TMCO5A: variants seen among roughly 807,000 people sequenced by gnomAD.
The protein encoded by TMCO5A is transmembrane and coiled-coil domain-containing protein 5A.
Under a neutral mutation model 42.3 loss-of-function variants are expected in TMCO5A, and 34 were observed. That is an observed-to-expected ratio of 0.80 (90% CI 0.61 to 1.07). TMCO5A has a LOEUF of 1.07. Ranked by LOEUF, TMCO5A falls within the 50% of genes least tolerant of loss-of-function variation. The pLI, the probability that TMCO5A is intolerant of heterozygous loss-of-function variation, is 0.00. For missense variants in TMCO5A, 357 were observed against 327.9 expected (o/e 1.09, Z -0.69); for synonymous variants, 131 against 115.6 (o/e 1.13, Z -0.86).
At chr15:38,030,454 T>A in the TMCO5A span, among the ~76,000 whole-genome samples, 8 of 152,316 alleles carry the variant, frequency 5.3e-5, no homozygotes, top group Middle Eastern at 3.4e-3. Context: ...AGTTCACAGC[T>A]GTCTTATTAT....
At chr15:37,973,518 T>A in the TMCO5A span, among the ~76,000 whole-genome samples, 6 of 152,288 alleles carry the variant, frequency 3.9e-5, no homozygotes, top group Middle Eastern at 3.4e-3. Context: ...TTCCCAGTGA[T>A]TTTATTCCTT....
chr15:37,977,950 T>C, the TMCO5A span, among the ~76,000 whole-genome samples: 3 of 152,144 alleles, frequency 2.0e-5, no homozygotes, highest in Non-Finnish European at 4.4e-5. Flanking sequence ...CTCTTCTCCT[T>C]ATGGAGGCTG....
downstream of TMCO5A, among the ~76,000 whole-genome samples, chr15:37,954,693 G>C (rs1018955485): frequency 2.0e-5 from 3 of 151,990 alleles, no homozygotes; most frequent in Admixed American, 6.6e-5. Context: ...ACTACCTTAA[G>C]TAGGAAAACT....
the TMCO5A span, among the ~76,000 whole-genome samples, chr15:37,974,731 C>T: frequency 6.6e-6 from 1 of 151,958 alleles, no homozygotes; most frequent in Non-Finnish European, 1.5e-5. Context: ...TGGTTTTTCA[C>T]ATCTCATTTT....
At chr15:38,001,629 T>C in the TMCO5A span, among the ~76,000 whole-genome samples, 1 of 151,976 alleles carries the variant, frequency 6.6e-6, no homozygotes, top group African/African-American at 2.4e-5. Context: ...TCTCTGGTGG[T>C]ATGTTTCAAT....
the TMCO5A span, among the ~76,000 whole-genome samples, chr15:38,009,021 A>G: frequency 1.3e-5 from 2 of 152,230 alleles, no homozygotes; most frequent in African/African-American, 4.8e-5. Context: ...ATAAGCCTAA[A>G]TCCTAAATCT....
the TMCO5A span, among the ~76,000 whole-genome samples, chr15:37,974,288 A>T: frequency 6.6e-6 from 1 of 152,160 alleles, no homozygotes; most frequent in African/African-American, 2.4e-5. Context: ...TGAGTTAGGG[A>T]GGAGTCCCTT....
chr15:38,012,119 G>A, the TMCO5A span, among the ~76,000 whole-genome samples: 55 of 105,258 alleles, frequency 5.2e-4, no homozygotes, highest in Admixed American at 4.4e-3. Flanking sequence ...GCGAGACTCC[G>A]TCTCAAAAAA....
chr15:38,029,340 TCACA>T, the TMCO5A span, among the ~76,000 whole-genome samples: 1 of 79,446 alleles, frequency 1.3e-5, no homozygotes, highest in East Asian at 8.2e-4. Flanking sequence ...GTGCACATGT[TCACA>T]CAAACATGTG....
At chr15:37,994,151 G>A in the TMCO5A span, among the ~76,000 whole-genome samples, 1 of 152,176 alleles carries the variant, frequency 6.6e-6, no homozygotes, top group African/African-American at 2.4e-5. Context: ...TGTCCCTGTG[G>A]CCCAGCTGGA....
At chr15:38,016,642 G>A in the TMCO5A span, among the ~76,000 whole-genome samples, 1 of 152,244 alleles carries the variant, frequency 6.6e-6, no homozygotes, top group Admixed American at 6.5e-5. Context: ...TTCAGCCTGG[G>A]CAAAGTCTAG....
downstream of TMCO5A, among the ~76,000 whole-genome samples, chr15:37,952,893 C>A (rs895346734): frequency 6.6e-6 from 1 of 152,176 alleles, no homozygotes; most frequent in South Asian, 2.1e-4. Context: ...AGCCTTGGGG[C>A]CTTCTTTAAG....
the TMCO5A span, among the ~76,000 whole-genome samples, chr15:38,029,238 G>T: frequency 6.6e-6 from 1 of 151,990 alleles, no homozygotes; most frequent in Non-Finnish European, 1.5e-5. Context: ...CCCCAGTGCC[G>T]GTTGGGTGTC....
At chr15:37,980,061 A>C in the TMCO5A span, among the ~76,000 whole-genome samples, 2 of 152,288 alleles carry the variant, frequency 1.3e-5, no homozygotes. Context: ...TGGGAGCTGC[A>C]AAGCCAGAAA....
the TMCO5A span, among the ~76,000 whole-genome samples, chr15:37,973,459 G>A: frequency 2.6e-5 from 4 of 152,024 alleles, no homozygotes; most frequent in East Asian, 7.7e-4. Context: ...TTTGAGCAGG[G>A]TTTTGTAATT....
At chr15:37,993,799 G>A in the TMCO5A span, among the ~76,000 whole-genome samples, 353 of 152,186 alleles carry the variant, frequency 2.3e-3, no homozygotes, top group African/African-American at 6.3e-3. Flanking sequence ...AGGCTTACCC[G>A]GCTCCCACAA....
chr15:37,989,633 T>C, the TMCO5A span, among the ~76,000 whole-genome samples: 1 of 152,070 alleles, frequency 6.6e-6, no homozygotes, highest in Non-Finnish European at 1.5e-5. Context: ...TCTTCCTTCA[T>C]CCCACTATAG....
chr15:37,951,976 C>T (rs536208153), downstream of TMCO5A, among the ~76,000 whole-genome samples: 8 of 152,086 alleles, frequency 5.3e-5, no homozygotes, highest in Admixed American at 2.0e-4. Flanking sequence ...ATTTGTGAGA[C>T]ATTGAACTCA....
the TMCO5A span, among the ~76,000 whole-genome samples, chr15:38,039,056 G>A: frequency 6.6e-6 from 1 of 152,220 alleles, no homozygotes; most frequent in Non-Finnish European, 1.5e-5. Context: ...GACAAGGACA[G>A]TCAAGAGATT....
Sources: gnomAD v4.1 joint callset for allele counts (sites outside exome capture counted in the v4.1 genomes callset) on GRCh38, gnomAD v4.1.1 for gene constraint, MANE v1.5 for transcripts, NCBI Gene and HGNC (gene_info 2026-07-23, HGNC 2026-07-21) for gene names.